RHCE: variants seen among roughly 807,000 people sequenced by gnomAD.
RHCE encodes the protein Rh blood group CcEe antigens.
Under a neutral mutation model 43.8 loss-of-function variants are expected in RHCE, and 22 were observed. That is an observed-to-expected ratio of 0.50 (90% confidence interval 0.36 to 0.72). The LOEUF (loss-of-function observed/expected upper bound fraction) is 0.72, where lower values mean the gene tolerates loss of function less well. RHCE is among the 30% of genes least tolerant of loss of function. The pLI is 0.00. For synonymous variants in RHCE, 156 were observed against 210.7 expected (o/e 0.74, Z 2.25); for missense variants, 385 against 525.4 (o/e 0.73, Z 2.61).
intron 1 of RHCE, among the ~76,000 whole-genome samples, chr1:25,410,338 A>AT (rs923035184): frequency 8.6e-5 from 13 of 150,696 alleles, no homozygotes; most frequent in East Asian, 1.9e-4. Context: ...ATCTTGAAGA[A>AT]TTTTTTTTTT....
rs595544 is a variant in RHCE at position 25,382,070 on chromosome 1, G to A, written c.1073+3641C>T. Reference sequence around the variant, plus strand: ...TCATGACATGGAGAAGTCATCACACGGTGAGAGGGCAAGAGCATGCCAGCT... The same window carrying A: ...TCATGACATGGAGAAGTCATCACACAGTGAGAGGGCAAGAGCATGCCAGCT... On this transcript the variant is annotated intron_variant, in intron 7 of 9. Transcript: ENST00000294413. 2.8e-3 allele frequency among the ~76,000 whole-genome samples: 425 copies of A among 149,892 alleles called. 1 individual carries two copies. The highest frequency in any genetic ancestry group is 9.8e-3 in the African/African-American group (384 of 39,282).
At chr1:25,386,842 A>AACACACACACAC (rs3079633) in intron 6 of RHCE, among the ~76,000 whole-genome samples, 3 of 138,892 alleles carry the variant, frequency 2.2e-5, no homozygotes, top group African/African-American at 8.2e-5. Flanking sequence ...ACAACAACAA[A>AACACACACACAC]ACACACACAC....
At chr1:25,418,502 C>T (rs936736192) in intron 1 of RHCE, among the ~76,000 whole-genome samples, 2 of 152,162 alleles carry the variant, frequency 1.3e-5, no homozygotes, top group African/African-American at 4.8e-5. Flanking sequence ...GGGGTTTTGC[C>T]ATGTTGGCCA....
At chr1:25,395,519 TTTTG>T (rs1414388326) in intron 3 of RHCE, among the ~76,000 whole-genome samples, 5 of 152,098 alleles carry the variant, frequency 3.3e-5, no homozygotes, top group African/African-American at 1.2e-4. Flanking sequence ...TGGAGGTTCT[TTTTG>T]TTTGTTTGTT....
At chr1:25,417,233 A>G (rs1398063694) in intron 1 of RHCE, among the ~76,000 whole-genome samples, 1 of 152,102 alleles carries the variant, frequency 6.6e-6, no homozygotes, top group Non-Finnish European at 1.5e-5. Flanking sequence ...TGCTATATTC[A>G]GATTTCCTGA....
intron 4 of RHCE, among the ~76,000 whole-genome samples, chr1:25,391,544 T>C (rs868246710): frequency 6.6e-6 from 1 of 152,032 alleles, no homozygotes; most frequent in African/African-American, 2.4e-5. Flanking sequence ...CCCCGTGGCC[T>C]GATAGTCCTT....
At position 25,362,443 on chromosome 1, in the gene RHCE, C is replaced by G; in HGVS notation, c.*84G>C. The G allele has an allele frequency of 1.2e-6, 2 of 1,613,344 alleles. No individual in the cohort carries two copies. Among genetic ancestry groups the G allele is most frequent in the Non-Finnish European group, 1.7e-6 (2 of 1,179,536 alleles). ...CATAAGGAGACTTTGCTGTCATGAGCGTTTCTCACGTACAAATGCAGGCAA... is the reference window on the plus strand; with the variant it reads ...CATAAGGAGACTTTGCTGTCATGAGGGTTTCTCACGTACAAATGCAGGCAA... On this transcript the variant is annotated 3_prime_UTR_variant, in exon 10 of 10. Coordinates refer to ENST00000294413, the MANE Select transcript of RHCE (RefSeq NM_020485.8).
chr1:25,385,358 A>G (rs1377443156), intron 7 of RHCE: 1 of 387,074 alleles, frequency 2.6e-6, no homozygotes, highest in Non-Finnish European at 5.0e-6. Flanking sequence ...CCCAGCTAGT[A>G]CGCAGTGGGA....
intron 6 of RHCE, 29 bp downstream of exon 6, chr1:25,388,947 C>CA (rs1646267530): frequency 6.2e-7 from 1 of 1,614,250 alleles, no homozygotes; most frequent in East Asian, 2.2e-5. Flanking sequence ...TCAGCCAAAG[C>CA]AGAGAGCATT....
At chr1:25,416,889 G>A (rs1034536267) in intron 1 of RHCE, among the ~76,000 whole-genome samples, 16 of 147,084 alleles carry the variant, frequency 1.1e-4, no homozygotes, top group Non-Finnish European at 1.9e-4. Flanking sequence ...TCCCCACTTG[G>A]CCTCCCTAAG....
At chr1:25,390,661 C>T in intron 5 of RHCE, 88 bp downstream of exon 5, 2 of 1,482,248 alleles carry the variant, frequency 1.3e-6, no homozygotes, top group East Asian at 2.3e-5. Flanking sequence ...TCTCCCAACC[C>T]ACGCTGGCCC....
chr1:25,379,470 TATATATATATATATATATATA>T (rs1557604842), intron 7 of RHCE, among the ~76,000 whole-genome samples: 3 of 6,478 alleles, frequency 4.6e-4, no homozygotes, highest in Admixed American at 2.1e-3. Context: ...TATATATATA[TATATATATATATATATATATA>T]TATATTTTTT....
rs1421230376 is a variant in RHCE, at chr1:25,388,758, T to G, written c.939+218A>C. ...TAGCCTGGTAACAAATTCTCCCCAG[T>G]GCCCAAGCAAGCTCAAATGGGTTCT... On this transcript the variant is annotated intron_variant, in intron 6 of 9. Coordinates refer to ENST00000294413, the MANE Select transcript of RHCE (RefSeq NM_020485.8). Among the ~76,000 whole-genome samples, 3 of 152,308 alleles carry G rather than the reference T, an allele frequency of 2.0e-5. No individual in the cohort carries two copies. The East Asian group carries it at 5.8e-4, about 29-fold the overall frequency.
At chr1:25,414,000 G>A (rs1293487951) in intron 1 of RHCE, among the ~76,000 whole-genome samples, 1 of 151,874 alleles carries the variant, frequency 6.6e-6, no homozygotes, top group Non-Finnish European at 1.5e-5. Context: ...CTGTAAAATT[G>A]AGATGAAACA....
rs187889287 is a variant in RHCE at position 25,372,537 on chromosome 1, T to G, written c.1154-1997A>C. 5.9e-5 allele frequency among the ~76,000 whole-genome samples: 9 copies of G among 151,482 alleles called. No individual in the cohort carries two copies. The East Asian group carries it at 1.7e-3, about 29-fold the overall frequency. On this transcript the variant is annotated intron_variant, in intron 8 of 9. Transcript: ENST00000294413. ...TCCGTCTAAAAAAAAAAAAAAGAAT[T>G]TCTCTTCCTCTGTTAGGCTCTTTGC...
intron 7 of RHCE, among the ~76,000 whole-genome samples, chr1:25,383,790 T>C (rs1278496419): frequency 1.3e-5 from 2 of 152,162 alleles, no homozygotes; most frequent in African/African-American, 2.4e-5. Flanking sequence ...ATAGGCTCAG[T>C]GGGCTGATTG....
chr1:25,417,429 T>C (rs555599472), intron 1 of RHCE, among the ~76,000 whole-genome samples: 2 of 152,264 alleles, frequency 1.3e-5, no homozygotes, highest in East Asian at 3.9e-4. Flanking sequence ...AGAGAAATAA[T>C]GGCAGTCAAG....
At chr1:25,418,078 G>A (rs551266926) in intron 1 of RHCE, among the ~76,000 whole-genome samples, 1 of 152,262 alleles carries the variant, frequency 6.6e-6, no homozygotes, top group South Asian at 2.1e-4. Context: ...ACCCAGGCTG[G>A]AGTGCAGTGG....
In RHCE at chr1:25,407,737, G is replaced by A. The variant is rs560365075; in HGVS notation, c.335+946C>T. Among the ~76,000 whole-genome samples the A allele has an allele frequency of 1.6e-5, 2 of 123,740 alleles. 1 individual carries two copies. Among genetic ancestry groups the A allele is most frequent in the South Asian group, 8.1e-4 (2 of 2,468 alleles). 81.2% of individuals were successfully genotyped at this position (123,740 alleles called of 152,430 possible). A position where few individuals can be genotyped will look rare whatever the true frequency, so the allele number is the denominator to read the frequency against. ...CCTTTTAAAATGTGTATAGCTTGAT[G>A]TGTAATCATCACCCAGGTGAACACA... On this transcript the variant is annotated intron_variant, in intron 2 of 9. Transcript: ENST00000294413.
Sources: allele counts gnomAD v4.1 joint callset (sites outside exome capture counted in the v4.1 genomes callset), GRCh38; gene constraint gnomAD v4.1.1; transcripts MANE v1.5; gene names NCBI Gene and HGNC (gene_info 2026-07-23, HGNC 2026-07-21).